Variants in ELL2 observed in about 807,000 individuals in gnomAD.
ELL2 encodes the protein RNA polymerase II elongation factor ELL2.
A neutral mutation model predicts 72.8 loss-of-function variants in ELL2; 21 were observed. The observed-to-expected ratio is 0.29, with a 90% CI of 0.20 to 0.42. The LOEUF (loss-of-function observed/expected upper bound fraction) is 0.42, where lower values mean the gene tolerates loss of function less well. Among genes scored for constraint, ELL2 ranks in the 10% least tolerant of loss-of-function variants. The pLI is 1.00. For synonymous variants in ELL2, 266 were observed against 283.2 expected, an observed-to-expected ratio of 0.94 and a Z score of 0.61; for missense variants, 568 against 772.8, an observed-to-expected ratio of 0.73 and a Z score of 3.14.
At chr5:95,933,761 C>G (rs1415447208) in intron 2 of ELL2, among the ~76,000 whole-genome samples, 3 of 151,404 alleles carry the variant, frequency 2.0e-5, no homozygotes, top group African/African-American at 7.3e-5. Context: ...GCCCTTTGAC[C>G]AATTACCTTA....
At chr5:95,955,135 A>G (rs1751583215) in intron 1 of ELL2, among the ~76,000 whole-genome samples, 1 of 151,932 alleles carries the variant, frequency 6.6e-6, no homozygotes, top group Non-Finnish European at 1.5e-5. Context: ...TCTGCTGGAG[A>G]TGTGGTCCCC....
At chr5:95,898,188 A>T in intron 8 of ELL2, 52 bp downstream of exon 8, 1 of 1,391,444 alleles carries the variant, frequency 7.2e-7, no homozygotes, top group Non-Finnish European at 9.8e-7. Context: ...TAAACTGTGT[A>T]ATTTCAAACT....
chr5:95,885,960 A>G lies in ELL2; in HGVS notation c.*2911T>C, dbSNP rs954842635. 1 of 152,228 alleles carries G rather than the reference A, an allele frequency of 6.6e-6. No individual in the cohort carries two copies. The highest frequency in any genetic ancestry group is 1.5e-5 in the Non-Finnish European group (1 of 68,032). The allele number at this position is 152,228 out of a possible 1,614,324, so 9.4% of individuals were successfully genotyped here. ...GCCCACATCTAGTTAATGTTCTCTTAGTTTGTTTTAAATCAGTTGTTCATC... is the reference window on the plus strand; with the variant it reads ...GCCCACATCTAGTTAATGTTCTCTTGGTTTGTTTTAAATCAGTTGTTCATC... On this transcript the variant is annotated 3_prime_UTR_variant, in exon 12 of 12. Transcript: ENST00000237853.
intron 2 of ELL2, among the ~76,000 whole-genome samples, chr5:95,938,892 C>T (rs1184002735): frequency 2.0e-5 from 3 of 152,158 alleles, no homozygotes; most frequent in Non-Finnish European, 2.9e-5. Context: ...TATACTGTGA[C>T]AAAGTTAGCA....
intron 1 of ELL2, among the ~76,000 whole-genome samples, chr5:95,959,671 T>G (rs974235661): frequency 6.6e-6 from 1 of 152,224 alleles, no homozygotes; most frequent in Non-Finnish European, 1.5e-5. Flanking sequence ...CCAGCCATTC[T>G]TGAGATTTTC....
At chr5:95,893,185 T>C (rs1748730804) in intron 9 of ELL2, among the ~76,000 whole-genome samples, 1 of 152,122 alleles carries the variant, frequency 6.6e-6, no homozygotes, top group African/African-American at 2.4e-5. Context: ...AGAGATTATT[T>C]GGTTACACTG....
At chr5:95,906,412 T>C in intron 5 of ELL2, 111 bp downstream of exon 5, 1 of 1,199,210 alleles carries the variant, frequency 8.3e-7, no homozygotes, top group Non-Finnish European at 1.1e-6. Context: ...ATCAAAATAA[T>C]CCTAAAATTT....
At chr5:95,930,721 G>A (rs1204233975) in intron 2 of ELL2, among the ~76,000 whole-genome samples, 2 of 152,188 alleles carry the variant, frequency 1.3e-5, no homozygotes, top group African/African-American at 2.4e-5. Context: ...TGGAATTGCT[G>A]AGGCAGCCAC....
At chr5:95,937,317 T>C (rs1216031439) in intron 2 of ELL2, among the ~76,000 whole-genome samples, 1 of 152,172 alleles carries the variant, frequency 6.6e-6, no homozygotes, top group African/African-American at 2.4e-5. Flanking sequence ...TTCTGAGCTC[T>C]TCAAGGGCAA....
In ELL2 at chr5:95,950,947, TA is replaced by T. The variant is rs1561515528; in HGVS notation, c.148-7899del. ...ATATATATATATATATATATATATATATATATAAAATCTTCATATATATGGT... is the reference window on the plus strand; with the variant it reads ...ATATATATATATATATATATATATATTATATAAAATCTTCATATATATGGT... On this transcript the variant is annotated intron_variant, in intron 1 of 11. Transcript: ENST00000237853. Among the ~76,000 whole-genome samples, 41 of 102,924 alleles carry T rather than the reference TA, an allele frequency of 4.0e-4. No individual in the cohort carries two copies. The East Asian group carries it at 9.1e-3, about 23-fold the overall frequency. The allele number at this position is 102,924 out of a possible 152,430, so 67.5% of individuals were successfully genotyped here. A position where few individuals can be genotyped will look rare whatever the true frequency, so the allele number is the denominator to read the frequency against.
chr5:95,913,676 G>C lies in ELL2; in HGVS notation c.481+95C>G, dbSNP rs1394868154. The C allele has an allele frequency of 3.9e-6, 5 of 1,290,984 alleles. No individual in the cohort carries two copies. The African/African-American group carries it at 7.7e-5, about 20-fold the overall frequency. The allele number at this position is 1,290,984 out of a possible 1,614,324, so 80.0% of individuals were successfully genotyped here. ...CAAAATGTTCTGAAAACTAGTTTCT[G>C]TGTTTTCATTAAGTTAATATTACTG... is the stretch of plus-strand genomic sequence containing the variant. On this transcript the variant is annotated intron_variant, in intron 4 of 11. Transcript: ENST00000237853.
intron 2 of ELL2, among the ~76,000 whole-genome samples, chr5:95,941,797 A>C (rs1750979753): frequency 6.6e-6 from 1 of 152,224 alleles, no homozygotes; most frequent in Non-Finnish European, 1.5e-5. Context: ...GCTGCCATTA[A>C]AATTTGCAGG....
At chr5:95,940,750 A>G (rs558084625) in intron 2 of ELL2, among the ~76,000 whole-genome samples, 1 of 152,368 alleles carries the variant, frequency 6.6e-6, no homozygotes, top group South Asian at 2.1e-4. Flanking sequence ...ACATAGGAAA[A>G]AAATCTGTAA....
At chr5:95,913,974 A>C in intron 3 of ELL2, 40 bp from the exon 4 acceptor site, 1 of 1,519,102 alleles carries the variant, frequency 6.6e-7, no homozygotes, top group South Asian at 1.3e-5. Flanking sequence ...CATGACCTTC[A>C]TTTTGTACAA....
Position 95,927,794 on chromosome 5 carries a change from T to C in ELL2, c.196-8249A>G, listed in dbSNP as rs541674464. ...ACACACATATGTGTGTATATAGACATACACACACACATATGTGTGTATATA... is the reference window on the plus strand; with the variant it reads ...ACACACATATGTGTGTATATAGACACACACACACACATATGTGTGTATATA... On this transcript the variant is annotated intron_variant, in intron 2 of 11. Transcript: ENST00000237853. 5.9e-4 allele frequency among the ~76,000 whole-genome samples: 53 copies of C among 89,612 alleles called. 5 individuals carry two copies. In the South Asian group the frequency reaches 7.9e-3, roughly 13 times the overall value. The allele number at this position is 89,612 out of a possible 152,430, so 58.8% of individuals were successfully genotyped here.
At position 95,910,348 on chromosome 5, in the gene ELL2, T is replaced by C. The variant is rs564115301; in HGVS notation, c.481+3423A>G. 8.5e-5 allele frequency among the ~76,000 whole-genome samples: 13 copies of C among 152,246 alleles called. 1 individual carries two copies. In the South Asian group the frequency reaches 2.7e-3, roughly 32 times the overall value. On this transcript the variant is annotated intron_variant, in intron 4 of 11. Transcript: ENST00000237853. ...GTTATTTTGTACACCTAAACAAATA[T>C]TAGTACATATAAAAATTCATAATTT...
intron 4 of ELL2, chr5:95,913,335 A>G (rs1749672509): frequency 6.5e-6 from 1 of 152,904 alleles, no homozygotes. Flanking sequence ...AAATGTAAGC[A>G]AAATCTACAA....
chr5:95,901,269 T>A (rs1251681435), intron 5 of ELL2, 189 bp from the exon 6 acceptor site: 10 of 484,036 alleles, frequency 2.1e-5, no homozygotes, highest in Non-Finnish European at 3.1e-5. Flanking sequence ...AAGCTTTATA[T>A]ACACAGCTAA....
intron 2 of ELL2, among the ~76,000 whole-genome samples, chr5:95,921,190 T>C (rs1467172441): frequency 6.6e-6 from 1 of 152,204 alleles, no homozygotes; most frequent in East Asian, 1.9e-4. Context: ...ATAGTAGACA[T>C]ATAATAAATA....
Sources: allele counts gnomAD v4.1 joint callset (sites outside exome capture counted in the v4.1 genomes callset), GRCh38; gene constraint gnomAD v4.1.1; transcripts MANE v1.5; gene names NCBI Gene and HGNC (gene_info 2026-07-23, HGNC 2026-07-21).